The following CNGA4 variants were observed in gnomAD, a reference collection of about 807,000 sequenced individuals.
The protein encoded by CNGA4 is cyclic nucleotide-gated channel alpha-4.
CNGA4 carries 32 observed loss-of-function variants against 45.6 expected under a neutral mutation model. That is an observed-to-expected ratio of 0.70 (90% CI 0.53 to 0.94). The LOEUF (loss-of-function observed/expected upper bound fraction) is 0.94. Among genes scored for constraint, CNGA4 ranks in the 40% least tolerant of loss-of-function variants. The pLI is 0.00. For missense variants in CNGA4, 726 were observed against 755.1 expected (o/e 0.96, Z 0.45); for synonymous variants, 293 against 304.6 (o/e 0.96, Z 0.40).
chr11:6,240,018 C>G lies in CNGA4; in HGVS notation c.272-48C>G. On this transcript the variant is annotated intron_variant, in intron 3 of 5. Coordinates refer to ENST00000379936, the MANE Select transcript of CNGA4 (RefSeq NM_001037329.4). The surrounding 1 kb of genome is among the most constrained non-coding windows in gnomAD (Gnocchi z 4.9). ...TGCCCTGGGCAGCTCATGCTCAGCC[C>G]AAGCTTGACTACAGCAGGTCCGCTT... The G allele has an allele frequency of 1.3e-6, 2 of 1,565,156 alleles. No individual in the cohort carries two copies. The highest frequency in any genetic ancestry group is 1.7e-6 in the Non-Finnish European group (2 of 1,155,094).
At position 6,239,277 on chromosome 11, in the gene CNGA4, T is replaced by G. The variant is rs754024343; in HGVS notation, c.62+9T>G. 1 of 1,614,044 alleles carries G rather than the reference T, an allele frequency of 6.2e-7. No homozygotes were observed. Among genetic ancestry groups the G allele is most frequent in the Non-Finnish European group, 8.5e-7 (1 of 1,179,890 alleles). ...GCCCCATCCAAGGCCAGGTGAGAAG[T>G]CCTGGTCCCTTGTGTGGGATCTCTC... On this transcript the variant is annotated intron_variant, in intron 1 of 5. Coordinates refer to ENST00000379936, the MANE Select transcript of CNGA4 (RefSeq NM_001037329.4).
rs142160386 is a variant in CNGA4 at position 6,239,442 on chromosome 11, A to T, written c.121A>T (p.Met41Leu). Reference sequence around the variant, plus strand: ...TTACTACTACTGGTGGCTGAACACAATGGTCTTCCCAGTCATGTATAACCT... The same window carrying T: ...TTACTACTACTGGTGGCTGAACACATTGGTCTTCCCAGTCATGTATAACCT... ...GDYYYWWLNT[M>L]VFPVMYNLII... The change falls in exon 2 of 6, where the codon ATG (methionine) becomes TTG (leucine). Residue 41 changes from methionine (M) to leucine (L), a missense_variant. Physicochemically the swap from Met to Leu is conservative, Grantham distance 15 (BLOSUM62 2). Coordinates refer to ENST00000379936, the MANE Select transcript of CNGA4 (RefSeq NM_001037329.4). The T allele has an allele frequency of 8.1e-6, 13 of 1,614,080 alleles. No individual in the cohort carries two copies. In the African/African-American group the frequency reaches 1.6e-4, roughly 20 times the overall value.
At chr11:6,244,509 C>CCAATTCGCTCCTGTGTCTGTG, downstream of CNGA4, 1 of 1,191,202 alleles carries the variant, frequency 8.4e-7, no homozygotes, top group Middle Eastern at 2.8e-4. The surrounding 1 kb of genome is among the most constrained non-coding windows in gnomAD (Gnocchi z 4.5). Flanking sequence ...AGATCACAGA[C>CCAATTCGCTCCTGTGTCTGTG]ACAGGAGCGA....
chr11:6,240,682 C>G lies in CNGA4; in HGVS notation c.888C>G (p.Asn296Lys). The stretch of plus-strand genomic sequence containing the variant: ...AGTACATGAAGCTGCAGCACGTCAA[C>G]CGCAAGCTGGAGCGGCGAGTTATTG... ...VKKYMKLQHV[N>K]RKLERRVIDW... The change falls in exon 4 of 6, where the codon AAC (asparagine) becomes AAG (lysine). Residue 296 changes from asparagine to lysine, a missense_variant. By Grantham distance (94) the Asn-to-Lys change is moderately conservative. Transcript: ENST00000379936. This position sits in a 1 kb window ranked among gnomAD's most constrained non-coding sequence, Gnocchi z 4.9. 1 of 1,613,456 alleles carries G rather than the reference C, an allele frequency of 6.2e-7. No individual in the cohort carries two copies.
At chr11:6,242,259 G>T (rs1043845874) in intron 5 of CNGA4, among the ~76,000 whole-genome samples, 1 of 151,946 alleles carries the variant, frequency 6.6e-6, no homozygotes, top group Non-Finnish European at 1.5e-5. Flanking sequence ...CGTCGCACAG[G>T]TATACACATG....
At chr11:6,239,946 A>G (rs1847887291) in intron 3 of CNGA4, 120 bp from the exon 4 acceptor site, 2 of 1,411,762 alleles carry the variant, frequency 1.4e-6, no homozygotes, top group Non-Finnish European at 1.9e-6. Context: ...AGCCGGGAGC[A>G]GAGTTATGCC....
rs1847879166 is a variant in CNGA4, at chr11:6,239,489, T to C, written c.164+4T>C. The C allele has an allele frequency of 3.1e-6, 5 of 1,613,796 alleles. No individual in the cohort carries two copies. The highest frequency in any genetic ancestry group is 4.2e-6 in the Non-Finnish European group (5 of 1,179,806). ...ACCTCATCATCCTCGTGTGCAGGTA[T>C]GGCAGCGGTGCTAAGGGAGGGGCTG... is the stretch of plus-strand genomic sequence containing the variant. On this transcript the variant is annotated splice_donor_region_variant and intron_variant, in intron 2 of 5. Transcript: ENST00000379936.
upstream of CNGA4, chr11:6,239,046 G>C: frequency 1.3e-6 from 2 of 1,490,266 alleles, no homozygotes; most frequent in South Asian, 1.4e-5. Flanking sequence ...AGTAGCGCTA[G>C]CTCTGGTTGT....
intron 5 of CNGA4, among the ~76,000 whole-genome samples, chr11:6,242,284 A>G (rs1197466877): frequency 1.3e-5 from 2 of 152,058 alleles, no homozygotes; most frequent in African/African-American, 4.8e-5. Context: ...ATGAGTGGAA[A>G]AAACAACCTT....
intron 4 of CNGA4, 132 bp from the exon 5 acceptor site, chr11:6,241,299 G>A: frequency 1.4e-6 from 1 of 709,520 alleles, no homozygotes; most frequent in Non-Finnish European, 2.4e-6. Flanking sequence ...CCAACTGTCA[G>A]GTACTCCCAT....
In CNGA4 at chr11:6,239,719, T is replaced by C; in HGVS notation, c.200T>C (p.Val67Ala). The change falls in exon 3 of 6, where the codon GTG becomes GCG. Residue 67 changes from valine (V) to alanine (A), a missense_variant. Physicochemically the swap from Val to Ala is moderately conservative, Grantham distance 64. Transcript: ENST00000379936. ...CCCGACTTGCAGCACGGTTATCTGGTGGCCTGGTTGGTGCTGGACTACACG... is the reference window on the plus strand; with the variant it reads ...CCCGACTTGCAGCACGGTTATCTGGCGGCCTGGTTGGTGCTGGACTACACG... ...CFPDLQHGYLVAWLVLDYTSD... is the reference protein window; with the variant it reads ...CFPDLQHGYLAAWLVLDYTSD... 6.2e-7 allele frequency: 1 copy of C among 1,614,132 alleles called. No homozygotes were observed.
upstream of CNGA4, chr11:6,235,545 TC>T (rs34906543): frequency 3.0e-6 from 3 of 985,098 alleles, no homozygotes; most frequent in African/African-American, 5.2e-5. Flanking sequence ...AGGGAAGACT[TC>T]CGGGAGGTGA....
chr11:6,241,352 C>A, intron 4 of CNGA4, 79 bp from the exon 5 acceptor site: 2 of 1,159,204 alleles, frequency 1.7e-6, no homozygotes, highest in Non-Finnish European at 2.5e-6. Context: ...TTGGCTGGAG[C>A]TGAGCTGAGC....
chr11:6,241,356 G>A, intron 4 of CNGA4, 75 bp from the exon 5 acceptor site: 1 of 1,209,486 alleles, frequency 8.3e-7, no homozygotes, highest in Admixed American at 2.2e-5. Context: ...CTGGAGCTGA[G>A]CTGAGCCCTG....
At position 6,244,368 on chromosome 11, in the gene CNGA4, G is replaced by A. The variant is rs1847963344; in HGVS notation, c.1687G>A (p.Glu563Lys). Reference protein sequence around the residue: ...EPEEGTSKDEEGRASQEGPPG... With the variant: ...EPEEGTSKDEKGRASQEGPPG... ...TGAGGAGGGAACTTCCAAAGATGAAGAGGGCAGGGCCAGCCAGGAGGGACC... is the reference window on the plus strand; with the variant it reads ...TGAGGAGGGAACTTCCAAAGATGAAAAGGGCAGGGCCAGCCAGGAGGGACC... Residue 563 changes from glutamate (E) to lysine (K), a missense_variant, in exon 6 of 6, where the codon GAG becomes AAG. By Grantham distance (56) the Glu-to-Lys change is moderately conservative. Coordinates refer to ENST00000379936, the MANE Select transcript of CNGA4 (RefSeq NM_001037329.4). The surrounding 1 kb of genome is among the most constrained non-coding windows in gnomAD (Gnocchi z 4.5). The A allele has an allele frequency of 2.5e-6, 4 of 1,613,742 alleles. No homozygotes were observed. Among genetic ancestry groups the A allele is most frequent in the Admixed American group, 1.7e-5 (1 of 59,966 alleles).
At chr11:6,238,552 G>C (rs765944103), upstream of CNGA4, among the ~76,000 whole-genome samples, 1 of 152,184 alleles carries the variant, frequency 6.6e-6, no homozygotes, top group African/African-American at 2.4e-5. Context: ...TCACAAGAAG[G>C]ATATGAGGAC....
intron 4 of CNGA4, 49 bp from the exon 5 acceptor site, chr11:6,241,382 G>C (rs1847915579): frequency 7.0e-7 from 1 of 1,433,514 alleles, no homozygotes; most frequent in Admixed American, 2.0e-5. Flanking sequence ...AGGGATGGAG[G>C]CAGGCACATA....
chr11:6,236,935 TG>T (rs1030185121), upstream of CNGA4, among the ~76,000 whole-genome samples: 1 of 152,154 alleles, frequency 6.6e-6, no homozygotes, highest in African/African-American at 2.4e-5. Flanking sequence ...CATCTAGAGG[TG>T]GTTTGAGGCT....
In CNGA4 at chr11:6,241,581, G is replaced by C. The variant is rs2133877886; in HGVS notation, c.1068G>C (p.Leu356=). 13 of 1,614,236 alleles carry C rather than the reference G, an allele frequency of 8.1e-6. No homozygotes were observed. The highest frequency in any genetic ancestry group is 1.1e-5 in the Non-Finnish European group (13 of 1,180,046). Residue 356 remains leucine (L), a synonymous_variant, in exon 5 of 6, where the codon CTG becomes CTC. Transcript: ENST00000379936. ...VQIFQNCEAS[L]LEELVLKLQP... Reference sequence around the variant, plus strand: ...TCTTTCAGAACTGTGAGGCCAGCCTGCTGGAGGAGCTGGTGCTGAAGCTGC... The same window carrying C: ...TCTTTCAGAACTGTGAGGCCAGCCTCCTGGAGGAGCTGGTGCTGAAGCTGC...
Sources: allele counts gnomAD v4.1 joint callset (sites outside exome capture counted in the v4.1 genomes callset), GRCh38; gene constraint gnomAD v4.1.1; non-coding constraint Gnocchi (gnomAD v3.1); transcripts MANE v1.5; gene names NCBI Gene and HGNC (gene_info 2026-07-23, HGNC 2026-07-21).